Variants in ARHGAP12 observed in about 807,000 individuals in gnomAD.
The protein encoded by ARHGAP12 is Rho GTPase activating protein 12.
A neutral mutation model predicts 108.6 loss-of-function variants in ARHGAP12; 64 were observed. The observed-to-expected ratio is 0.59, with a 90% confidence interval of 0.48 to 0.73. ARHGAP12 has a LOEUF of 0.73. ARHGAP12 is among the 30% of genes least tolerant of loss of function. The pLI is 0.00. For missense variants in ARHGAP12, 940 were observed against 1,005.9 expected (o/e 0.93, Z 0.89); for synonymous variants, 312 against 337.2 (o/e 0.93, Z 0.82).
In ARHGAP12 at chr10:31,903,628, T is replaced by G. The variant is rs568751439; in HGVS notation, c.684+4544A>C. Among the ~76,000 whole-genome samples, 16 of 152,266 alleles carry G rather than the reference T, an allele frequency of 1.1e-4. No individual in the cohort carries two copies. The South Asian group carries it at 3.3e-3, about 32-fold the overall frequency. On this transcript the variant is annotated intron_variant, in intron 3 of 19. Transcript: ENST00000344936. ...ACAAGACTTCACCAAAGTTAAAAAC[T>G]TGTGCTCTGCAAAGACACTATCAAG... is the stretch of plus-strand genomic sequence containing the variant.
At chr10:31,924,291 T>C (rs1264603042) in intron 1 of ARHGAP12, among the ~76,000 whole-genome samples, 1 of 152,200 alleles carries the variant, frequency 6.6e-6, no homozygotes, top group Non-Finnish European at 1.5e-5. Context: ...CTCAAAGGCC[T>C]ATGAACTTGT....
rs550774305 is a variant in ARHGAP12, at chr10:31,863,194, A to G, written c.685-1536T>C. ...TTAGCTTCAAATTTATCACTAAACAACATCTTTCTATGAAGAAAATCTATC... is the reference window on the plus strand; with the variant it reads ...TTAGCTTCAAATTTATCACTAAACAGCATCTTTCTATGAAGAAAATCTATC... On this transcript the variant is annotated intron_variant, in intron 3 of 19. Coordinates refer to ENST00000344936, the MANE Select transcript of ARHGAP12 (RefSeq NM_018287.7). Among the ~76,000 whole-genome samples the G allele has an allele frequency of 7.2e-5, 11 of 152,300 alleles. No homozygotes were observed. In the South Asian group the frequency reaches 2.1e-3, roughly 29 times the overall value.
chr10:31,894,737 G>C (rs547771516), intron 3 of ARHGAP12, among the ~76,000 whole-genome samples: 1 of 152,092 alleles, frequency 6.6e-6, no homozygotes. Flanking sequence ...TCACAGAATT[G>C]GAAAAAACTA....
intron 1 of ARHGAP12, among the ~76,000 whole-genome samples, chr10:31,928,449 C>G (rs1840156544): frequency 6.6e-6 from 1 of 151,448 alleles, no homozygotes; most frequent in Non-Finnish European, 1.5e-5. Context: ...CAATAGGCTG[C>G]GCCGGCCCCC....
intron 8 of ARHGAP12, 35 bp from the exon 9 acceptor site, chr10:31,839,354 T>C: frequency 6.3e-7 from 1 of 1,584,754 alleles, no homozygotes; most frequent in Non-Finnish European, 8.6e-7. Context: ...AATGTCATAG[T>C]ATTGTCTGGG....
chr10:31,840,465 G>A (rs1836219167), intron 7 of ARHGAP12, among the ~76,000 whole-genome samples: 1 of 150,926 alleles, frequency 6.6e-6, no homozygotes, highest in Admixed American at 6.6e-5. Flanking sequence ...ACTTTTTTTT[G>A]GTAGCAGTAG....
At chr10:31,817,015 C>T (rs1465593719) in intron 13 of ARHGAP12, among the ~76,000 whole-genome samples, 1 of 152,038 alleles carries the variant, frequency 6.6e-6, no homozygotes, top group Non-Finnish European at 1.5e-5. Context: ...AGAGCCATGT[C>T]CCCATATGGT....
chr10:31,911,888 G>A (rs1362584048), intron 1 of ARHGAP12, among the ~76,000 whole-genome samples: 1 of 152,162 alleles, frequency 6.6e-6, no homozygotes, highest in Admixed American at 6.5e-5. Context: ...TGTCAAGGGA[G>A]GGGGATTCTT....
rs774436251 is a variant in ARHGAP12 at position 31,861,408 on chromosome 10, G to A, written c.935C>T (p.Pro312Leu). The change falls in exon 4 of 20, where the codon CCA becomes CTA. Residue 312 changes from proline (P) to leucine (L), a missense_variant. By Grantham distance (98) the Pro-to-Leu change is moderately conservative. Transcript: ENST00000344936. The stretch of plus-strand genomic sequence containing the variant: ...AATTACTCATACCTCTTGATCCCCT[G>A]GATTTTGGAAATCTCCTTTGCTGAT... The part of the protein sequence containing the change: ...ASISKGDFQN[P>L]GDQELLSSEE... The A allele has an allele frequency of 5.0e-6, 8 of 1,612,440 alleles. No individual in the cohort carries two copies. In the Admixed American group the frequency reaches 8.4e-5, roughly 17 times the overall value.
intron 5 of ARHGAP12, among the ~76,000 whole-genome samples, chr10:31,853,608 C>A (rs561269175): frequency 6.6e-6 from 1 of 152,266 alleles, no homozygotes; most frequent in African/African-American, 2.4e-5. Context: ...AGATGCAATA[C>A]ACACATAAAA....
At chr10:31,853,436 A>C (rs1438648684) in intron 5 of ARHGAP12, among the ~76,000 whole-genome samples, 1 of 152,190 alleles carries the variant, frequency 6.6e-6, no homozygotes, top group African/African-American at 2.4e-5. Context: ...TGCTAATACA[A>C]ACACATGATC....
At chr10:31,909,335 C>T (rs970184296) in intron 2 of ARHGAP12, among the ~76,000 whole-genome samples, 5 of 151,888 alleles carry the variant, frequency 3.3e-5, no homozygotes, top group Admixed American at 1.3e-4. Context: ...TCCTAGAACA[C>T]GGCATTACGG....
intron 6 of ARHGAP12, among the ~76,000 whole-genome samples, chr10:31,849,478 A>T (rs1836589780): frequency 6.6e-6 from 1 of 152,230 alleles, no homozygotes; most frequent in Non-Finnish European, 1.5e-5. Context: ...TATTAAACTA[A>T]ATTTTAATAT....
At chr10:31,841,490 A>T (rs1196803676) in intron 7 of ARHGAP12, among the ~76,000 whole-genome samples, 1 of 152,158 alleles carries the variant, frequency 6.6e-6, no homozygotes, top group Non-Finnish European at 1.5e-5. Context: ...CTCTCTCATG[A>T]TGCTGCACAG....
chr10:31,853,109 T>C (rs867335510), intron 5 of ARHGAP12, among the ~76,000 whole-genome samples: 49 of 152,210 alleles, frequency 3.2e-4, no homozygotes, highest in African/African-American at 8.2e-4. Flanking sequence ...TTATTAAACA[T>C]GGCTTTATTT....
rs148613224 is a variant in ARHGAP12 at position 31,838,589 on chromosome 10, G to C, written c.1386+716C>G. Among the ~76,000 whole-genome samples, 846 of 152,188 alleles carry C rather than the reference G, an allele frequency of 5.6e-3. 4 individuals carry two copies. Among genetic ancestry groups the C allele is most frequent in the East Asian group, 9.7e-3 (50 of 5,172 alleles). Reference sequence around the variant, plus strand: ...TCATGCCTGTAATCCCAGCACTTTGGGGGGCCAGGGTGGGTGGATCACTTG... The same window carrying C: ...TCATGCCTGTAATCCCAGCACTTTGCGGGGCCAGGGTGGGTGGATCACTTG... On this transcript the variant is annotated intron_variant, in intron 9 of 19. Transcript: ENST00000344936.
intron 3 of ARHGAP12, among the ~76,000 whole-genome samples, chr10:31,878,998 T>C (rs754027726): frequency 6.6e-6 from 1 of 152,148 alleles, no homozygotes; most frequent in Non-Finnish European, 1.5e-5. Context: ...GAACAGAAAA[T>C]GAAATCTTCA....
intron 3 of ARHGAP12, among the ~76,000 whole-genome samples, chr10:31,878,809 A>T (rs1837831496): frequency 6.6e-6 from 1 of 152,200 alleles, no homozygotes; most frequent in Non-Finnish European, 1.5e-5. Context: ...CTTTACAGAA[A>T]ATGTTTGCCA....
chr10:31,826,462 T>C, intron 10 of ARHGAP12, 77 bp from the exon 11 acceptor site: 1 of 1,141,398 alleles, frequency 8.8e-7, no homozygotes, highest in Non-Finnish European at 1.3e-6. Context: ...AAGACCTACT[T>C]AGCTCTTATC....
Sources: allele counts gnomAD v4.1 joint callset (sites outside exome capture counted in the v4.1 genomes callset), GRCh38; gene constraint gnomAD v4.1.1; transcripts MANE v1.5; gene names NCBI Gene and HGNC (gene_info 2026-07-23, HGNC 2026-07-21).